The following SGPP2 variants were observed in gnomAD, a reference collection of about 807,000 sequenced individuals.
The protein encoded by SGPP2 is sphingosine-1-phosphate phosphatase 2, also known as sphingosine 1-phosphate phosphohydrolase 2.
SGPP2 carries 30 observed loss-of-function variants against 33.9 expected under a neutral mutation model. That is an observed-to-expected ratio of 0.89 (90% CI 0.66 to 1.20). SGPP2 has a LOEUF of 1.20. SGPP2 is among the 50% of genes most tolerant of loss of function. The probability of loss-of-function intolerance (pLI) is 0.00; values close to 1 mark genes in which losing one functional copy is unlikely to be tolerated. For missense variants in SGPP2, 458 were observed against 532.1 expected (o/e 0.86, Z 1.37); for synonymous variants, 233 against 225.0 (o/e 1.04, Z -0.32).
chr2:222,452,405 G>A (rs989442201), intron 1 of SGPP2: 2 of 755,066 alleles, frequency 2.6e-6, no homozygotes. Context: ...CTCCTTCACA[G>A]ATCTTCAAGT....
chr2:222,426,809 C>A (rs2106052214), intron 1 of SGPP2, among the ~76,000 whole-genome samples: 1 of 151,928 alleles, frequency 6.6e-6, no homozygotes, highest in South Asian at 2.1e-4. Context: ...TTGATTCCCC[C>A]CCTCAAAAAT....
chr2:222,524,818 G>C, intron 3 of SGPP2, 126 bp from the exon 4 acceptor site: 1 of 726,752 alleles, frequency 1.4e-6, no homozygotes. Context: ...TCAGATTGCT[G>C]GTCTGGGGAA....
intron 1 of SGPP2, among the ~76,000 whole-genome samples, chr2:222,447,740 C>T (rs1697418840): frequency 6.6e-6 from 1 of 152,128 alleles, no homozygotes; most frequent in African/African-American, 2.4e-5. Flanking sequence ...AGTCATTCTA[C>T]AAACATTTAT....
rs1559149249 is a variant in SGPP2 at position 222,458,227 on chromosome 2, T to TA, written c.220-16339dup. Among the ~76,000 whole-genome samples, 5 of 151,152 alleles carry TA rather than the reference T, an allele frequency of 3.3e-5. No individual in the cohort carries two copies. The South Asian group carries it at 8.4e-4, about 25-fold the overall frequency. ...CCATGCCTAGCTATTTTTTTTTTTT[T>TA]AATTTTTTGTAGAGATGGAGAGTCA... On this transcript the variant is annotated intron_variant, in intron 1 of 4. Transcript: ENST00000321276.
At chr2:222,440,441 C>T (rs1697308031) in intron 1 of SGPP2, among the ~76,000 whole-genome samples, 1 of 151,698 alleles carries the variant, frequency 6.6e-6, no homozygotes, top group African/African-American at 2.4e-5. Flanking sequence ...CTCCGGGGTT[C>T]AAGAGATTCT....
chr2:222,436,930 G>A (rs555649064), intron 1 of SGPP2, among the ~76,000 whole-genome samples: 2 of 152,312 alleles, frequency 1.3e-5, no homozygotes, highest in East Asian at 1.9e-4. Context: ...CTTGGTGAGT[G>A]GAAGTCCGTG....
chr2:222,485,101 A>G (rs978144499), intron 2 of SGPP2, among the ~76,000 whole-genome samples: 2 of 152,220 alleles, frequency 1.3e-5, no homozygotes, highest in African/African-American at 4.8e-5. Context: ...ACCAGTAAAT[A>G]GAATAGGTAG....
chr2:222,478,227 G>T (rs992926921), intron 2 of SGPP2, among the ~76,000 whole-genome samples: 1 of 151,202 alleles, frequency 6.6e-6, no homozygotes, highest in South Asian at 2.1e-4. Flanking sequence ...GTGCGGGTGT[G>T]CTTGCGTGTG....
At chr2:222,508,708 A>G (rs193173418) in intron 2 of SGPP2, among the ~76,000 whole-genome samples, 1 of 152,324 alleles carries the variant, frequency 6.6e-6, no homozygotes, top group Non-Finnish European at 1.5e-5. Flanking sequence ...AAGAATGAGA[A>G]AATGTTGTAA....
intron 1 of SGPP2, among the ~76,000 whole-genome samples, chr2:222,470,115 C>T (rs753247218): frequency 5.9e-5 from 9 of 151,910 alleles, no homozygotes; most frequent in African/African-American, 1.5e-4. Flanking sequence ...GGCCTGTCAG[C>T]GGGGTGGGGG....
At chr2:222,511,599 G>A (rs1051426282) in intron 2 of SGPP2, among the ~76,000 whole-genome samples, 2 of 152,184 alleles carry the variant, frequency 1.3e-5, no homozygotes, top group Non-Finnish European at 2.9e-5. Flanking sequence ...ACAGAGAAAA[G>A]CCCTCCACTT....
At chr2:222,451,189 C>T (rs1013083504) in intron 1 of SGPP2, among the ~76,000 whole-genome samples, 12 of 150,496 alleles carry the variant, frequency 8.0e-5, no homozygotes, top group Non-Finnish European at 3.0e-5. Flanking sequence ...ACAAAACTCC[C>T]CACTAAAACC....
intron 1 of SGPP2, among the ~76,000 whole-genome samples, chr2:222,469,472 C>A (rs893894896): frequency 1.3e-5 from 2 of 152,210 alleles, no homozygotes; most frequent in African/African-American, 4.8e-5. Flanking sequence ...CATGAGCCAT[C>A]GCGCCTGGCT....
intron 2 of SGPP2, among the ~76,000 whole-genome samples, chr2:222,480,144 A>G (rs185373155): frequency 2.0e-5 from 3 of 152,338 alleles, no homozygotes; most frequent in African/African-American, 7.2e-5. Context: ...ACCTAACAAA[A>G]AAATAAAAGC....
intron 4 of SGPP2, among the ~76,000 whole-genome samples, chr2:222,549,965 C>T (rs1689264115): frequency 6.6e-6 from 1 of 151,912 alleles, no homozygotes; most frequent in African/African-American, 2.4e-5. Context: ...CAACCTCCAC[C>T]TCCCGGGTTC....
At chr2:222,547,283 ATTCTCGCAAGCTGC>A (rs1226849580) in intron 4 of SGPP2, among the ~76,000 whole-genome samples, 1 of 152,204 alleles carries the variant, frequency 6.6e-6, no homozygotes, top group African/African-American at 2.4e-5. Context: ...TAGGCTTGTC[ATTCTCGCAAGCTGC>A]TTAGCAGTTG....
At chr2:222,533,241 G>A (rs1309272786) in intron 4 of SGPP2, among the ~76,000 whole-genome samples, 1 of 152,134 alleles carries the variant, frequency 6.6e-6, no homozygotes, top group African/African-American at 2.4e-5. Flanking sequence ...GAAGAGGGGT[G>A]GCTCTGAGGA....
chr2:222,424,894 C>A, intron 1 of SGPP2, 73 bp downstream of exon 1: 2 of 1,177,798 alleles, frequency 1.7e-6, no homozygotes, highest in Non-Finnish European at 1.1e-6. Flanking sequence ...GCGACTCCGC[C>A]ACGCGGGGCC....
chr2:222,486,056 G>A (rs1475911777), intron 2 of SGPP2, among the ~76,000 whole-genome samples: 3 of 152,234 alleles, frequency 2.0e-5, no homozygotes, highest in Non-Finnish European at 4.4e-5. Flanking sequence ...CAGGGAACTG[G>A]CCTTGACCTC....
Sources: allele counts gnomAD v4.1 joint callset (sites outside exome capture counted in the v4.1 genomes callset), GRCh38; gene constraint gnomAD v4.1.1; transcripts MANE v1.5; gene names NCBI Gene and HGNC (gene_info 2026-07-23, HGNC 2026-07-21).